ADAMTS19: variants seen among roughly 807,000 people sequenced by gnomAD.
ADAMTS19 encodes A disintegrin and metalloproteinase with thrombospondin motifs 19.
ADAMTS19 carries 93 observed loss-of-function variants against 153.3 expected under a neutral mutation model. That is an observed-to-expected ratio of 0.61 (90% CI 0.51 to 0.72). The LOEUF is 0.72. Among genes scored for constraint, ADAMTS19 ranks in the 30% least tolerant of loss-of-function variants. The pLI is 0.00. For synonymous variants in ADAMTS19, 600 were observed against 556.6 expected, an observed-to-expected ratio of 1.08 and a Z score of -1.10; for missense variants, 1,482 against 1,552.1, an observed-to-expected ratio of 0.95 and a Z score of 0.76.
At chr5:129,589,086 G>A (rs773724348) in intron 7 of ADAMTS19, among the ~76,000 whole-genome samples, 2 of 151,784 alleles carry the variant, frequency 1.3e-5, no homozygotes, top group Non-Finnish European at 2.9e-5. Context: ...TCCTGAGTCT[G>A]AACAATAGTA....
At chr5:129,522,274 T>A (rs1170142789) in intron 3 of ADAMTS19, among the ~76,000 whole-genome samples, 1 of 143,732 alleles carries the variant, frequency 7.0e-6, no homozygotes. Context: ...ACAACATATG[T>A]ATGCGTAGTT....
At chr5:129,490,494 A>G (rs1360349320) in intron 2 of ADAMTS19, among the ~76,000 whole-genome samples, 2 of 152,144 alleles carry the variant, frequency 1.3e-5, no homozygotes, top group Admixed American at 6.5e-5. Context: ...ATAAGAATTA[A>G]TTTGTAATAT....
intron 16 of ADAMTS19, among the ~76,000 whole-genome samples, chr5:129,671,644 C>T (rs1754304119): frequency 1.3e-5 from 2 of 152,144 alleles, no homozygotes. Flanking sequence ...CTTCCCAATA[C>T]AATTATTGTT....
At chr5:129,546,321 G>T (rs1752857322) in intron 6 of ADAMTS19, among the ~76,000 whole-genome samples, 1 of 150,296 alleles carries the variant, frequency 6.7e-6, no homozygotes, top group Admixed American at 6.6e-5. Context: ...CACCAGCATG[G>T]CACATGTATA....
intron 18 of ADAMTS19, among the ~76,000 whole-genome samples, chr5:129,688,641 T>C (rs1755197592): frequency 2.0e-5 from 3 of 152,174 alleles, no homozygotes; most frequent in South Asian, 4.1e-4. Context: ...TGAAGGCTGA[T>C]CATCTCAGGT....
At chr5:129,466,744 G>A (rs914019940) in intron 2 of ADAMTS19, among the ~76,000 whole-genome samples, 3 of 152,162 alleles carry the variant, frequency 2.0e-5, no homozygotes, top group Non-Finnish European at 2.9e-5. Context: ...AAAAATACAT[G>A]CCGTTATACG....
At chr5:129,679,314 C>G (rs1418711126) in intron 16 of ADAMTS19, among the ~76,000 whole-genome samples, 1 of 152,060 alleles carries the variant, frequency 6.6e-6, no homozygotes, top group Non-Finnish European at 1.5e-5. Context: ...AATTAATGTC[C>G]TGCTTAATGA....
chr5:129,679,728 TG>T (rs755618247), intron 16 of ADAMTS19, 35 bp from the exon 17 acceptor site: 2 of 1,518,484 alleles, frequency 1.3e-6, no homozygotes, highest in South Asian at 1.2e-5. Context: ...GAAGCTGACT[TG>T]TTAATACTCA....
chr5:129,539,085 T>C (rs1333044400), intron 6 of ADAMTS19, among the ~76,000 whole-genome samples: 1 of 152,144 alleles, frequency 6.6e-6, no homozygotes, highest in Non-Finnish European at 1.5e-5. Context: ...CAAGTATTTT[T>C]ATGTTATTTA....
intron 7 of ADAMTS19, among the ~76,000 whole-genome samples, chr5:129,559,807 T>C (rs964860511): frequency 3.9e-5 from 6 of 152,194 alleles, no homozygotes; most frequent in African/African-American, 1.4e-4. Context: ...GTTACCATTT[T>C]TTAAAACAAC....
chr5:129,663,174 G>C (rs1054689242), intron 15 of ADAMTS19, among the ~76,000 whole-genome samples: 1 of 152,094 alleles, frequency 6.6e-6, no homozygotes, highest in Non-Finnish European at 1.5e-5. Context: ...GATTATAGGC[G>C]TTAGCCACCA....
At chr5:129,581,706 G>A (rs1395406567) in intron 7 of ADAMTS19, among the ~76,000 whole-genome samples, 4 of 151,866 alleles carry the variant, frequency 2.6e-5, no homozygotes, top group Non-Finnish European at 5.9e-5. Flanking sequence ...GGGTGTTGTT[G>A]TTATAACTTT....
intron 7 of ADAMTS19, among the ~76,000 whole-genome samples, chr5:129,567,071 C>T (rs1045553353): frequency 2.6e-5 from 4 of 152,034 alleles, no homozygotes; most frequent in Non-Finnish European, 5.9e-5. Context: ...AACTTGTGCT[C>T]AACCTTAAGC....
chr5:129,505,597 T>C (rs1271874584), intron 2 of ADAMTS19, among the ~76,000 whole-genome samples: 1 of 152,124 alleles, frequency 6.6e-6, no homozygotes, highest in African/African-American at 2.4e-5. Flanking sequence ...TAATGGTTAT[T>C]TTAAAAAGCA....
intron 2 of ADAMTS19, among the ~76,000 whole-genome samples, chr5:129,462,210 T>C (rs534949712): frequency 9.2e-5 from 14 of 152,134 alleles, no homozygotes; most frequent in South Asian, 2.1e-4. Context: ...CATAACCTAC[T>C]TCAAAGTTGA....
intron 2 of ADAMTS19, among the ~76,000 whole-genome samples, chr5:129,465,138 CTT>C: frequency 6.6e-6 from 1 of 152,302 alleles, no homozygotes; most frequent in East Asian, 1.9e-4. Flanking sequence ...ATTTCCAACA[CTT>C]TACTTTTTAG....
At chr5:129,562,968 T>C (rs1753576627) in intron 7 of ADAMTS19, among the ~76,000 whole-genome samples, 1 of 152,138 alleles carries the variant, frequency 6.6e-6, no homozygotes, top group Admixed American at 6.5e-5. Flanking sequence ...ACTTGACATA[T>C]TGTCAAATAG....
At chr5:129,532,496 T>C (rs2126777427) in intron 6 of ADAMTS19, among the ~76,000 whole-genome samples, 1 of 152,258 alleles carries the variant, frequency 6.6e-6, no homozygotes, top group South Asian at 2.1e-4. Context: ...GTTGGTGGGA[T>C]TATAAAATGG....
intron 21 of ADAMTS19, among the ~76,000 whole-genome samples, chr5:129,726,119 T>G (rs942715931): frequency 2.6e-5 from 4 of 152,168 alleles, no homozygotes; most frequent in Non-Finnish European, 5.9e-5. Context: ...TTAAGTTTGC[T>G]CTAAAGATGA....
Sources: gnomAD v4.1 joint callset for allele counts (sites outside exome capture counted in the v4.1 genomes callset) on GRCh38, gnomAD v4.1.1 for gene constraint, MANE v1.5 for transcripts, NCBI Gene and HGNC (gene_info 2026-07-23, HGNC 2026-07-21) for gene names.